Variants in SLC35G2 observed in about 807,000 individuals in gnomAD.
SLC35G2 encodes the protein solute carrier family 35 member G2.
In SLC35G2, 20 loss-of-function variants were observed where a neutral mutation model predicts 27.2. The ratio of observed to expected loss-of-function variants is 0.74; its 90% confidence interval spans 0.52 to 1.07. The LOEUF is 1.07. SLC35G2 is among the 50% of genes least tolerant of loss of function. SLC35G2 has a pLI of 0.00. For synonymous variants in SLC35G2, 148 were observed against 165.3 expected, an observed-to-expected ratio of 0.90 and a Z score of 0.80; for missense variants, 416 against 493.3, an observed-to-expected ratio of 0.84 and a Z score of 1.48.
chr3:136,840,902 C>T (rs979593344), intron 1 of SLC35G2, among the ~76,000 whole-genome samples: 1 of 148,962 alleles, frequency 6.7e-6, no homozygotes, highest in Non-Finnish European at 1.5e-5. Flanking sequence ...GGATTACAGA[C>T]GTGAGCCACT....
intron 1 of SLC35G2, among the ~76,000 whole-genome samples, chr3:136,835,801 C>A (rs1024387270): frequency 2.0e-5 from 3 of 152,140 alleles, no homozygotes; most frequent in Non-Finnish European, 4.4e-5. Flanking sequence ...AGATTATAAG[C>A]CATTACTATC....
At chr3:136,848,783 G>A (rs112940870) in intron 1 of SLC35G2, among the ~76,000 whole-genome samples, 6 of 152,248 alleles carry the variant, frequency 3.9e-5, no homozygotes, top group African/African-American at 1.2e-4. Flanking sequence ...ACTCTGAAAC[G>A]GGTTAGAGTA....
At chr3:136,820,247 C>G (rs1046923139) in intron 1 of SLC35G2, 2 of 152,120 alleles carry the variant, frequency 1.3e-5, no homozygotes, top group East Asian at 2.0e-4. Flanking sequence ...CTGGGGGTAG[C>G]TCCGGAGGAG....
chr3:136,833,069 CAA>C (rs56357764), intron 1 of SLC35G2, among the ~76,000 whole-genome samples: 10 of 114,850 alleles, frequency 8.7e-5, no homozygotes, highest in African/African-American at 2.9e-4. Context: ...GACTCTGTCT[CAA>C]AAAAAAAAAA....
At chr3:136,840,821 C>A (rs1937058953) in intron 1 of SLC35G2, among the ~76,000 whole-genome samples, 1 of 151,878 alleles carries the variant, frequency 6.6e-6, no homozygotes, top group Non-Finnish European at 1.5e-5. Context: ...TGGGGTTTCA[C>A]CATGTTGGTC....
intron 1 of SLC35G2, among the ~76,000 whole-genome samples, chr3:136,831,840 G>A (rs1936735758): frequency 6.6e-6 from 1 of 151,680 alleles, no homozygotes; most frequent in Non-Finnish European, 1.5e-5. Flanking sequence ...TACCTTGTTG[G>A]ACTTGTGGGT....
intron 1 of SLC35G2, among the ~76,000 whole-genome samples, chr3:136,840,584 T>C (rs927928198): frequency 4.8e-5 from 7 of 145,778 alleles, no homozygotes; most frequent in Admixed American, 3.4e-4. Context: ...CCTTCTTTCC[T>C]CCCTCCCTCC....
At chr3:136,821,486 G>A (rs1174484053) in intron 1 of SLC35G2, among the ~76,000 whole-genome samples, 1 of 151,976 alleles carries the variant, frequency 6.6e-6, no homozygotes, top group African/African-American at 2.4e-5. Context: ...CTTGCTTGTT[G>A]CCCAGACTGG....
rs144817481 is a variant in SLC35G2, at chr3:136,853,460, C to T, written c.-18-983C>T. Among the ~76,000 whole-genome samples the T allele has an allele frequency of 2.9e-3, 435 of 152,100 alleles. 3 individuals carry two copies. The highest frequency in any genetic ancestry group is 0.01 in the African/African-American group (416 of 41,484). ...TTGTATGAACATTCATTGTAGTAAG[C>T]TACAATGAACTCTCCTGTATGTACA... On this transcript the variant is annotated intron_variant, in intron 1 of 1. Transcript: ENST00000446465.
intron 1 of SLC35G2, among the ~76,000 whole-genome samples, chr3:136,835,162 A>G (rs1936831062): frequency 6.6e-6 from 1 of 152,192 alleles, no homozygotes; most frequent in African/African-American, 2.4e-5. Flanking sequence ...TTTTTGAAAA[A>G]GTATTTCTTA....
chr3:136,834,290 T>G (rs1451075239), intron 1 of SLC35G2, among the ~76,000 whole-genome samples: 1 of 152,202 alleles, frequency 6.6e-6, no homozygotes, highest in East Asian at 1.9e-4. Flanking sequence ...AGGAGAAAAG[T>G]GAGCCAGAGT....
At chr3:136,826,578 A>G (rs1936591439) in intron 1 of SLC35G2, among the ~76,000 whole-genome samples, 1 of 152,080 alleles carries the variant, frequency 6.6e-6, no homozygotes, top group African/African-American at 2.4e-5. Context: ...GTAGCCGCAA[A>G]TGATCCTTTG....
At chr3:136,829,968 G>T (rs895335108) in intron 1 of SLC35G2, among the ~76,000 whole-genome samples, 3 of 151,942 alleles carry the variant, frequency 2.0e-5, no homozygotes, top group Non-Finnish European at 2.9e-5. Flanking sequence ...CTTTCTCTAG[G>T]TTTGGGAAGT....
chr3:136,826,704 G>A (rs747861672), intron 1 of SLC35G2, among the ~76,000 whole-genome samples: 31 of 151,802 alleles, frequency 2.0e-4, no homozygotes, highest in Non-Finnish European at 4.4e-4. Flanking sequence ...TGGTGCAGTC[G>A]TGATGCACTG....
In SLC35G2 at chr3:136,855,639, T is replaced by G. The variant is rs376135251; in HGVS notation, c.1179T>G (p.Leu393=). Reference sequence around the variant, plus strand: ...TTTTTGTCCTTGCTGGCTATAAACTTTACTGGAGGAATTTAAGAAAGCAGG... The same window carrying G: ...TTTTTGTCCTTGCTGGCTATAAACTGTACTGGAGGAATTTAAGAAAGCAGG... The part of the protein sequence containing the change: ...ISVFVLAGYK[L]YWRNLRKQDY... The change falls in exon 2 of 2, where the codon CTT becomes CTG. Residue 393 remains leucine (L), a synonymous_variant. Coordinates refer to ENST00000446465, the MANE Select transcript of SLC35G2 (RefSeq NM_025246.3). 330 of 1,613,090 alleles carry G rather than the reference T, an allele frequency of 2.0e-4. No individual in the cohort carries two copies. The highest frequency in any genetic ancestry group is 2.4e-4 in the Non-Finnish European group (284 of 1,179,270).
chr3:136,829,453 C>T (rs1358338981), intron 1 of SLC35G2, among the ~76,000 whole-genome samples: 1 of 152,124 alleles, frequency 6.6e-6, no homozygotes, highest in East Asian at 1.9e-4. Flanking sequence ...AACTCCTGAC[C>T]TTGTGATCTG....
At chr3:136,837,177 A>G (rs1407308944) in intron 1 of SLC35G2, among the ~76,000 whole-genome samples, 1 of 152,182 alleles carries the variant, frequency 6.6e-6, no homozygotes, top group Non-Finnish European at 1.5e-5. Flanking sequence ...ATTCTTTCAA[A>G]CACTATGATA....
intron 1 of SLC35G2, among the ~76,000 whole-genome samples, chr3:136,841,227 T>C (rs1937082763): frequency 6.6e-6 from 1 of 152,086 alleles, no homozygotes; most frequent in South Asian, 2.1e-4. Context: ...TAGTTGTTGC[T>C]ATGGTAAAAC....
chr3:136,848,379 G>A (rs535631847), intron 1 of SLC35G2, among the ~76,000 whole-genome samples: 10 of 152,288 alleles, frequency 6.6e-5, no homozygotes, highest in Non-Finnish European at 1.0e-4. Flanking sequence ...AGCACTTTGG[G>A]AGGCTGAGGT....
Sources: allele counts gnomAD v4.1 joint callset (sites outside exome capture counted in the v4.1 genomes callset), GRCh38; gene constraint gnomAD v4.1.1; transcripts MANE v1.5; gene names NCBI Gene and HGNC (gene_info 2026-07-23, HGNC 2026-07-21).